PCDH15: variants seen among roughly 807,000 people sequenced by gnomAD.
PCDH15 encodes the protein protocadherin related 15, also known as protocadherin-15.
PCDH15 carries 129 observed loss-of-function variants against 178.5 expected under a neutral mutation model. That is an observed-to-expected ratio of 0.72 (90% CI 0.63 to 0.84). PCDH15 has a LOEUF of 0.84. PCDH15 is among the 40% of genes least tolerant of loss of function. The pLI, the probability that PCDH15 is intolerant of heterozygous loss-of-function variation, is 0.00. For missense variants in PCDH15, 2,230 were observed against 2,099.9 expected (o/e 1.06, Z -1.21); for synonymous variants, 800 against 732.0 (o/e 1.09, Z -1.50).
At chr10:55,308,262 T>C (rs1016671796) in intron 1 of PCDH15, among the ~76,000 whole-genome samples, 2 of 152,138 alleles carry the variant, frequency 1.3e-5, no homozygotes, top group Non-Finnish European at 1.5e-5. Flanking sequence ...CGGTGAATTA[T>C]TGAGCTCACC....
intron 2 of PCDH15, among the ~76,000 whole-genome samples, chr10:54,549,292 A>C (rs926669506): frequency 6.6e-6 from 1 of 151,818 alleles, no homozygotes; most frequent in African/African-American, 2.4e-5. Flanking sequence ...CTTTTCAACC[A>C]TGAGAAGTTA....
chr10:54,828,764 G>A (rs2133748832), intron 3 of PCDH15, among the ~76,000 whole-genome samples: 1 of 152,072 alleles, frequency 6.6e-6, no homozygotes. Flanking sequence ...TAATGGTAGA[G>A]ACAAAAATAA....
chr10:54,214,206 T>C (rs1446080977), intron 9 of PCDH15, among the ~76,000 whole-genome samples, 158 bp from the exon 10 acceptor site: 1 of 151,980 alleles, frequency 6.6e-6, no homozygotes, highest in Non-Finnish European at 1.5e-5. Context: ...GACACAAATG[T>C]GGTATATAGT....
intron 3 of PCDH15, among the ~76,000 whole-genome samples, chr10:54,503,225 ATGTGTGTGTGTGTGTG>A (rs35951831): frequency 7.0e-4 from 59 of 83,776 alleles, no homozygotes; most frequent in African/African-American, 1.6e-3. Context: ...ATACATATAT[ATGTGTGTGTGTGTGTG>A]TGTGTGTGTG....
At chr10:55,112,112 A>G (rs1837523890) in intron 2 of PCDH15, among the ~76,000 whole-genome samples, 1 of 152,136 alleles carries the variant, frequency 6.6e-6, no homozygotes. Context: ...TGGTTTTCCT[A>G]CTATTGATAT....
At chr10:55,233,680 G>A (rs1399523435) in intron 1 of PCDH15, among the ~76,000 whole-genome samples, 1 of 152,038 alleles carries the variant, frequency 6.6e-6, no homozygotes, top group African/African-American at 2.4e-5. Context: ...AAAGCACAGT[G>A]AAGAGAGAGA....
At chr10:54,730,229 T>C (rs1482668643) in intron 1 of PCDH15, among the ~76,000 whole-genome samples, 2 of 151,536 alleles carry the variant, frequency 1.3e-5, no homozygotes, top group Non-Finnish European at 3.0e-5. Context: ...TAAATAAGAA[T>C]GAAATCATGT....
At chr10:55,551,931 T>C (rs1033818325) in intron 2 of PCDH15, among the ~76,000 whole-genome samples, 17 of 151,800 alleles carry the variant, frequency 1.1e-4, no homozygotes, top group African/African-American at 3.9e-4. Context: ...AAGTGTAAAA[T>C]TTAGCATTAT....
intron 2 of PCDH15, among the ~76,000 whole-genome samples, chr10:55,092,623 T>C (rs1228374506): frequency 2.0e-5 from 3 of 151,924 alleles, no homozygotes; most frequent in Non-Finnish European, 4.4e-5. Context: ...CTCAATATGG[T>C]CTTAATTGAC....
chr10:55,309,834 T>G (rs1843534656), intron 1 of PCDH15, among the ~76,000 whole-genome samples: 1 of 152,184 alleles, frequency 6.6e-6, no homozygotes, highest in Admixed American at 6.5e-5. Flanking sequence ...TCCTTTAATG[T>G]CTTCCCTTAC....
chr10:53,840,603 C>T (rs1420718815), intron 28 of PCDH15, 107 bp from the exon 29 acceptor site: 7 of 1,086,078 alleles, frequency 6.4e-6, no homozygotes, highest in Admixed American at 4.0e-5. Flanking sequence ...TGATGACAGC[C>T]TAGTTTTTTG....
At chr10:55,232,414 C>T (rs1841252294) in intron 1 of PCDH15, among the ~76,000 whole-genome samples, 1 of 151,864 alleles carries the variant, frequency 6.6e-6, no homozygotes, top group Admixed American at 6.6e-5. Context: ...ATATTGCATA[C>T]AGAATAATAT....
At chr10:54,679,058 C>G (rs1399288015) in intron 1 of PCDH15, among the ~76,000 whole-genome samples, 1 of 151,270 alleles carries the variant, frequency 6.6e-6, no homozygotes, top group Admixed American at 6.6e-5. Context: ...GGCGTGTTGG[C>G]GGGCGCCTGT....
chr10:54,303,452 A>T (rs2060271141), intron 8 of PCDH15, among the ~76,000 whole-genome samples: 1 of 152,120 alleles, frequency 6.6e-6, no homozygotes, highest in African/African-American at 2.4e-5. Flanking sequence ...ATGCACACAC[A>T]TACACATTTC....
At chr10:55,471,374 G>A (rs1168490333) in intron 2 of PCDH15, among the ~76,000 whole-genome samples, 1 of 152,116 alleles carries the variant, frequency 6.6e-6, no homozygotes, top group East Asian at 1.9e-4. Context: ...TGTAGAATGT[G>A]ACAAAAATCA....
intron 2 of PCDH15, among the ~76,000 whole-genome samples, chr10:54,651,103 G>C (rs1366085385): frequency 6.6e-6 from 1 of 152,086 alleles, no homozygotes; most frequent in African/African-American, 2.4e-5. Context: ...GTAAACTGGA[G>C]TTCCACAAAG....
intron 25 of PCDH15, among the ~76,000 whole-genome samples, chr10:53,915,864 G>A (rs1000777949): frequency 1.3e-5 from 2 of 151,972 alleles, no homozygotes; most frequent in African/African-American, 4.8e-5. Context: ...GCCCGTATTT[G>A]TATAATATAT....
chr10:55,418,150 G>T (rs1405914424), intron 2 of PCDH15, among the ~76,000 whole-genome samples: 1 of 151,536 alleles, frequency 6.6e-6, no homozygotes, highest in Non-Finnish European at 1.5e-5. Context: ...TAAATAAAGG[G>T]TATAACATCA....
chr10:54,357,853 A>C (rs1211067026), intron 5 of PCDH15, among the ~76,000 whole-genome samples: 2 of 152,102 alleles, frequency 1.3e-5, no homozygotes, highest in African/African-American at 4.8e-5. Context: ...CCTCAGAAAT[A>C]ACACCACATA....
Sources: gnomAD v4.1 joint callset for allele counts (sites outside exome capture counted in the v4.1 genomes callset) on GRCh38, gnomAD v4.1.1 for gene constraint, MANE v1.5 for transcripts, NCBI Gene and HGNC (gene_info 2026-07-23, HGNC 2026-07-21) for gene names.